The following KCNAB1 variants were observed in gnomAD, a reference collection of about 807,000 sequenced individuals.
The protein encoded by KCNAB1 is voltage-gated potassium channel subunit beta-1.
In KCNAB1, 35 loss-of-function variants were observed where a neutral mutation model predicts 64.6. That is an observed-to-expected ratio of 0.54 (90% confidence interval 0.41 to 0.72). The LOEUF (loss-of-function observed/expected upper bound fraction) is 0.72. Ranked by LOEUF, KCNAB1 falls within the 30% of genes least tolerant of loss-of-function variation. The pLI is 0.00. For missense variants in KCNAB1, 401 were observed against 512.9 expected, an observed-to-expected ratio of 0.78 and a Z score of 2.11; for synonymous variants, 177 against 183.8, an observed-to-expected ratio of 0.96 and a Z score of 0.30.
At chr3:156,399,669 G>C (rs1392556467) in intron 1 of KCNAB1, among the ~76,000 whole-genome samples, 1 of 152,128 alleles carries the variant, frequency 6.6e-6, no homozygotes, top group Non-Finnish European at 1.5e-5. Flanking sequence ...ATACTGAACA[G>C]GGTACTGAAC....
intron 7 of KCNAB1, among the ~76,000 whole-genome samples, chr3:156,469,217 A>G (rs971156347): frequency 5.5e-5 from 8 of 144,890 alleles, no homozygotes; most frequent in African/African-American, 2.0e-4. Context: ...TGTGTACATA[A>G]TTTCAGGGTT....
At chr3:156,210,146 G>A (rs1033873833) in intron 1 of KCNAB1, among the ~76,000 whole-genome samples, 3 of 152,138 alleles carry the variant, frequency 2.0e-5, no homozygotes, top group Non-Finnish European at 4.4e-5. Context: ...GAGACTGTCG[G>A]TGAGCTGAGG....
intron 1 of KCNAB1, among the ~76,000 whole-genome samples, chr3:156,205,663 A>C (rs1714613856): frequency 6.6e-6 from 1 of 152,146 alleles, no homozygotes; most frequent in African/African-American, 2.4e-5. Context: ...CTTCCTCTGC[A>C]CTGAGACATA....
At chr3:156,315,449 G>T (rs1247498931) in intron 1 of KCNAB1, among the ~76,000 whole-genome samples, 1 of 152,162 alleles carries the variant, frequency 6.6e-6, no homozygotes, top group African/African-American at 2.4e-5. Context: ...GCTCACTGAG[G>T]TCCCTGGAAT....
At chr3:156,266,602 C>T (rs969268856) in intron 1 of KCNAB1, among the ~76,000 whole-genome samples, 1 of 152,324 alleles carries the variant, frequency 6.6e-6, no homozygotes, top group Non-Finnish European at 1.5e-5. Context: ...TAAAAAGCCT[C>T]AGTTATTAGA....
At chr3:156,318,886 A>C (rs1722471692) in intron 1 of KCNAB1, among the ~76,000 whole-genome samples, 1 of 152,216 alleles carries the variant, frequency 6.6e-6, no homozygotes, top group Non-Finnish European at 1.5e-5. Flanking sequence ...CAAGGCCCCA[A>C]GACATTAAGG....
At position 156,515,132 on chromosome 3, in the gene KCNAB1, G is replaced by C. The variant is rs1372933442; in HGVS notation, c.777G>C (p.Met259Ile). ...ATTCTGTAGCAAGACAGTTCAATAT[G>C]ATCCCACCGGTCTGTGAACAAGCTG... ...EAYSVARQFNMIPPVCEQAEY... is the reference protein window; with the variant it reads ...EAYSVARQFNIIPPVCEQAEY... The change falls in exon 10 of 14, where the codon ATG (methionine) becomes ATC (isoleucine). Residue 259 changes from methionine (M) to isoleucine (I), a missense_variant. Met to Ile is a conservative substitution (Grantham distance 10). Coordinates refer to ENST00000490337, the MANE Select transcript of KCNAB1 (RefSeq NM_172160.3). 2.5e-6 allele frequency: 4 copies of C among 1,613,320 alleles called. No individual in the cohort carries two copies. The highest frequency in any genetic ancestry group is 3.4e-6 in the Non-Finnish European group (4 of 1,179,556).
chr3:156,478,087 C>T (rs1021056833), intron 8 of KCNAB1, among the ~76,000 whole-genome samples: 6 of 151,846 alleles, frequency 4.0e-5, no homozygotes, highest in African/African-American at 7.3e-5. Flanking sequence ...ATTCTATTGG[C>T]GTTAATTAAT....
chr3:156,482,315 T>A (rs1034514033), intron 8 of KCNAB1, among the ~76,000 whole-genome samples: 6 of 151,992 alleles, frequency 3.9e-5, no homozygotes, highest in African/African-American at 1.4e-4. Flanking sequence ...TGATATTCAC[T>A]GAATACTTAC....
intron 2 of KCNAB1, among the ~76,000 whole-genome samples, chr3:156,435,448 C>T (rs1369057196): frequency 6.6e-6 from 1 of 152,124 alleles, no homozygotes; most frequent in Non-Finnish European, 1.5e-5. Flanking sequence ...GTTAATTTCC[C>T]CAGCACAGCT....
intron 1 of KCNAB1, among the ~76,000 whole-genome samples, chr3:156,318,193 G>T (rs945794297): frequency 6.6e-6 from 1 of 152,150 alleles, no homozygotes; most frequent in Admixed American, 6.5e-5. Context: ...AGGATAGGGG[G>T]CAAAAGCCTT....
intron 1 of KCNAB1, among the ~76,000 whole-genome samples, chr3:156,354,029 A>G (rs1576763299): frequency 7.2e-6 from 1 of 139,692 alleles, no homozygotes; most frequent in South Asian, 2.3e-4. Flanking sequence ...TATTGTCATA[A>G]TGTGTGTGTG....
intron 1 of KCNAB1, among the ~76,000 whole-genome samples, chr3:156,307,780 T>C (rs1721606113): frequency 6.6e-6 from 1 of 152,178 alleles, no homozygotes; most frequent in Non-Finnish European, 1.5e-5. Flanking sequence ...TTAAAACTTT[T>C]CTCATATTAA....
intron 1 of KCNAB1, among the ~76,000 whole-genome samples, chr3:156,241,527 TTCTC>T (rs1293699286): frequency 6.6e-6 from 1 of 152,136 alleles, no homozygotes; most frequent in African/African-American, 2.4e-5. Context: ...GTCTGAGTGT[TTCTC>T]TTTCTTGGTT....
chr3:156,346,056 A>G (rs912535222), intron 1 of KCNAB1, among the ~76,000 whole-genome samples: 1 of 151,912 alleles, frequency 6.6e-6, no homozygotes, highest in African/African-American at 2.4e-5. Flanking sequence ...ATTCATGGCT[A>G]TCATGGTCTG....
chr3:156,455,545 A>C (rs1712341788), intron 3 of KCNAB1, among the ~76,000 whole-genome samples: 1 of 149,596 alleles, frequency 6.7e-6, no homozygotes, highest in South Asian at 2.1e-4. Context: ...TATAGCACTT[A>C]ATTTTCGGAG....
chr3:156,358,826 A>G (rs892553479), intron 1 of KCNAB1, among the ~76,000 whole-genome samples: 4 of 152,220 alleles, frequency 2.6e-5, no homozygotes, highest in Admixed American at 6.5e-5. Flanking sequence ...TTGGTATTTA[A>G]AACATCTAGA....
At chr3:156,448,384 G>C (rs1711741649) in intron 2 of KCNAB1, among the ~76,000 whole-genome samples, 2 of 152,198 alleles carry the variant, frequency 1.3e-5, no homozygotes, top group Admixed American at 1.3e-4. Context: ...TAACTAACAA[G>C]TCACCTTAGT....
At chr3:156,163,125 TTAACA>T (rs1449242344) in intron 1 of KCNAB1, among the ~76,000 whole-genome samples, 1 of 152,200 alleles carries the variant, frequency 6.6e-6, no homozygotes, top group East Asian at 1.9e-4. Flanking sequence ...CTAATTTAAA[TTAACA>T]TAACAGTAAA....
Sources: gnomAD v4.1 joint callset for allele counts (sites outside exome capture counted in the v4.1 genomes callset) on GRCh38, gnomAD v4.1.1 for gene constraint, MANE v1.5 for transcripts, NCBI Gene and HGNC (gene_info 2026-07-23, HGNC 2026-07-21) for gene names.